Variants in KALRN observed in about 807,000 individuals in gnomAD.
KALRN encodes the protein kalirin RhoGEF kinase, also known as kalirin.
In KALRN, 70 loss-of-function variants were observed where a neutral mutation model predicts 353.7. That is an observed-to-expected ratio of 0.20 (90% CI 0.16 to 0.24). The LOEUF is 0.24. Ranked by LOEUF, KALRN falls within the 10% of genes least tolerant of loss-of-function variation. The pLI is 1.00. For synonymous variants in KALRN, 1,391 were observed against 1,434.8 expected (o/e 0.97, Z 0.69); for missense variants, 2,791 against 3,756.7 (o/e 0.74, Z 6.72).
chr3:124,584,557 C>A, intron 34 of KALRN: 1 of 1,240,632 alleles, frequency 8.1e-7, no homozygotes, highest in Non-Finnish European at 1.0e-6. Context: ...CATGAGGCTC[C>A]GGCCGCTGCT....
At chr3:124,306,066 G>C (rs963373905) in intron 6 of KALRN, among the ~76,000 whole-genome samples, 1 of 151,960 alleles carries the variant, frequency 6.6e-6, no homozygotes, top group Non-Finnish European at 1.5e-5. Context: ...TATCAGTAAA[G>C]ACATTATTAT....
chr3:124,395,507 C>G, intron 12 of KALRN, 164 bp downstream of exon 12: 1 of 572,320 alleles, frequency 1.7e-6, no homozygotes, highest in South Asian at 2.5e-5. Flanking sequence ...CAACTTGAAT[C>G]TAGAATAAAA....
chr3:124,118,764 A>C (rs1450014131), intron 1 of KALRN, among the ~76,000 whole-genome samples: 1 of 152,242 alleles, frequency 6.6e-6, no homozygotes, highest in East Asian at 1.9e-4. Context: ...TTTGTTCCAA[A>C]CACTGGAAAT....
At chr3:124,145,212 C>T (rs1475618251) in intron 1 of KALRN, among the ~76,000 whole-genome samples, 1 of 152,160 alleles carries the variant, frequency 6.6e-6, no homozygotes, top group East Asian at 1.9e-4. Context: ...CTCCCTTTAT[C>T]GATCTACTGA....
intron 31 of KALRN, among the ~76,000 whole-genome samples, chr3:124,492,426 G>A (rs1233211105): frequency 2.0e-5 from 3 of 152,172 alleles, no homozygotes; most frequent in Non-Finnish European, 4.4e-5. Flanking sequence ...CTGTCCCAGG[G>A]GGAACTTCCA....
rs1270311912 is a variant in KALRN, at chr3:124,543,684, G to GTT, written c.4936-19148_4936-19147dup. ...ATGAGTTTCCATCAGAAATCAGCAGGTTTTTTTTTTTTATTACTTGATGAA... is the reference window on the plus strand; with the variant it reads ...ATGAGTTTCCATCAGAAATCAGCAGGTTTTTTTTTTTTTTATTACTTGATGAA... On this transcript the variant is annotated intron_variant, in intron 33 of 59. Coordinates refer to ENST00000682506, the MANE Select transcript of KALRN (RefSeq NM_001388419.1). Among the ~76,000 whole-genome samples, 711 of 145,890 alleles carry GTT rather than the reference G, an allele frequency of 4.9e-3. 5 individuals are homozygous for GTT. Among genetic ancestry groups the GTT allele is most frequent in the African/African-American group, 0.016 (657 of 40,098 alleles).
intron 1 of KALRN, among the ~76,000 whole-genome samples, chr3:124,093,309 C>G (rs1197041551): frequency 6.6e-6 from 1 of 152,214 alleles, no homozygotes; most frequent in African/African-American, 2.4e-5. Context: ...GGGAGACCAC[C>G]ATTCTGTTAG....
At chr3:124,359,534 G>C (rs997605) in intron 10 of KALRN, among the ~76,000 whole-genome samples, 1 of 152,008 alleles carries the variant, frequency 6.6e-6, no homozygotes, top group African/African-American at 2.4e-5. Flanking sequence ...ATATGATATA[G>C]TGAAGAAAAG....
At chr3:124,717,490 T>G (rs2063193652) in intron 59 of KALRN, 105 bp downstream of exon 59, 6 of 678,236 alleles carry the variant, frequency 8.8e-6, no homozygotes, top group Non-Finnish European at 1.4e-5. Flanking sequence ...ATCGAGACCA[T>G]CCTGGCTGAC....
chr3:124,186,291 G>A (rs1323367577), intron 1 of KALRN, among the ~76,000 whole-genome samples: 3 of 152,106 alleles, frequency 2.0e-5, no homozygotes, highest in Non-Finnish European at 4.4e-5. Context: ...TACCCCAGTG[G>A]TTAGGTACAT....
At position 124,510,658 on chromosome 3, in the gene KALRN, T is replaced by C. The variant is rs2065801870; in HGVS notation, c.4935+14245T>C. ...TCCATCCACAAGTTCTGGATCTCCT[T>C]CTTTGTAGCTGCCGTCAGTGTATCA... On this transcript the variant is annotated intron_variant, in intron 33 of 59. Coordinates refer to ENST00000682506, the MANE Select transcript of KALRN (RefSeq NM_001388419.1). Among the ~76,000 whole-genome samples, 5 of 152,248 alleles carry C rather than the reference T, an allele frequency of 3.3e-5. No individual in the cohort carries two copies. In the South Asian group the frequency reaches 1.0e-3, roughly 32 times the overall value.
intron 3 of KALRN, among the ~76,000 whole-genome samples, chr3:124,251,887 A>C (rs897379617): frequency 6.6e-6 from 1 of 152,074 alleles, no homozygotes; most frequent in Admixed American, 6.6e-5. Flanking sequence ...AGAAACCACC[A>C]CATCCCTGTT....
At chr3:124,559,473 G>A (rs1378154932) in intron 33 of KALRN, among the ~76,000 whole-genome samples, 1 of 152,166 alleles carries the variant, frequency 6.6e-6, no homozygotes, top group Non-Finnish European at 1.5e-5. Flanking sequence ...CTGGGAAGGG[G>A]GCCAAGACTT....
chr3:124,255,564 C>T (rs1039162402), intron 3 of KALRN, among the ~76,000 whole-genome samples: 4 of 152,152 alleles, frequency 2.6e-5, no homozygotes, highest in Non-Finnish European at 4.4e-5. Flanking sequence ...TGTGAAGCAC[C>T]TTCATAATGA....
At chr3:124,625,694 A>T (rs1053622429) in intron 34 of KALRN, among the ~76,000 whole-genome samples, 1 of 129,484 alleles carries the variant, frequency 7.7e-6, no homozygotes, top group Non-Finnish European at 1.6e-5. Flanking sequence ...ACAATTATAT[A>T]TCTATTTATC....
chr3:124,673,322 G>C (rs753855397), intron 48 of KALRN, among the ~76,000 whole-genome samples: 1 of 151,984 alleles, frequency 6.6e-6, no homozygotes, highest in Admixed American at 6.6e-5. Context: ...GGAAGTCGAG[G>C]CTACAGTGAG....
intron 33 of KALRN, among the ~76,000 whole-genome samples, chr3:124,542,575 G>A (rs1377086761): frequency 6.6e-6 from 1 of 152,200 alleles, no homozygotes; most frequent in Non-Finnish European, 1.5e-5. Flanking sequence ...AGAATCTGCA[G>A]AAATAGCCCA....
intron 1 of KALRN, among the ~76,000 whole-genome samples, chr3:124,196,292 A>T (rs2075417774): frequency 6.6e-6 from 1 of 152,130 alleles, no homozygotes; most frequent in South Asian, 2.1e-4. Context: ...GCTCTGAAAA[A>T]AAGTGAGGTG....
At chr3:124,552,732 T>C (rs1469009404) in intron 33 of KALRN, among the ~76,000 whole-genome samples, 1 of 152,176 alleles carries the variant, frequency 6.6e-6, no homozygotes, top group Non-Finnish European at 1.5e-5. Flanking sequence ...TCTCAAGATA[T>C]GTCATTAAGG....
Sources: allele counts gnomAD v4.1 joint callset (sites outside exome capture counted in the v4.1 genomes callset), GRCh38; gene constraint gnomAD v4.1.1; transcripts MANE v1.5; gene names NCBI Gene and HGNC (gene_info 2026-07-23, HGNC 2026-07-21).